Variants in ZEB1 observed in about 807,000 individuals in gnomAD.
ZEB1 encodes the protein zinc finger E-box binding homeobox 1.
In ZEB1, 21 loss-of-function variants were observed where a neutral mutation model predicts 84.9. That is an observed-to-expected ratio of 0.25 (90% confidence interval 0.18 to 0.36). The LOEUF is 0.36. Ranked by LOEUF, ZEB1 falls within the 10% of genes least tolerant of loss-of-function variation. ZEB1 has a pLI of 1.00. For missense variants in ZEB1, 1,104 were observed against 1,330.2 expected (o/e 0.83, Z 2.65); for synonymous variants, 420 against 471.1 (o/e 0.89, Z 1.41).
chr10:31,520,697 T>A lies in ZEB1; in HGVS notation c.1365T>A (p.His455Gln), dbSNP rs1443499938. The part of the protein sequence containing the change: ...INASPIQQGG[H>Q]SVISAISLPL... ...CTTCACCCATACAACAAGGTGGCCA[T>A]TCTGTTATTTCAGCCATCAGTCTTC... is the stretch of plus-strand genomic sequence containing the variant. The change falls in exon 7 of 9, where the codon CAT becomes CAA. Residue 455 changes from histidine (H) to glutamine (Q), a missense_variant. Physicochemically the swap from His to Gln is conservative, Grantham distance 24. Coordinates refer to ENST00000424869, the MANE Select transcript of ZEB1 (RefSeq NM_001174096.2). The surrounding 1 kb of genome is among the most constrained non-coding windows in gnomAD (Gnocchi z 5.1). 1 of 1,614,088 alleles carries A rather than the reference T, an allele frequency of 6.2e-7. No individual in the cohort carries two copies. The highest frequency in any genetic ancestry group is 8.5e-7 in the Non-Finnish European group (1 of 1,179,986).
intron 1 of ZEB1, among the ~76,000 whole-genome samples, chr10:31,373,952 C>G (rs1177502890): frequency 1.3e-5 from 2 of 151,518 alleles, no homozygotes; most frequent in Non-Finnish European, 3.0e-5. Context: ...TCCTGCATAT[C>G]CCTTTTTTTG....
At chr10:31,424,567 C>A (rs910266014) in intron 1 of ZEB1, among the ~76,000 whole-genome samples, 1 of 151,882 alleles carries the variant, frequency 6.6e-6, no homozygotes, top group African/African-American at 2.4e-5. Flanking sequence ...ATATTTACTA[C>A]CTTCTTTGTT....
chr10:31,409,932 A>G (rs2053914044), intron 1 of ZEB1, among the ~76,000 whole-genome samples: 1 of 152,198 alleles, frequency 6.6e-6, no homozygotes, highest in Admixed American at 6.5e-5. Context: ...GGTTTTCTAA[A>G]TATGCAATCA....
chr10:31,353,039 A>G (rs924267258), intron 1 of ZEB1, among the ~76,000 whole-genome samples: 16 of 152,222 alleles, frequency 1.1e-4, no homozygotes, highest in Non-Finnish European at 2.4e-4. Flanking sequence ...GGTATAGTCA[A>G]GCACACATGG....
chr10:31,520,677 C>T lies in ZEB1; in HGVS notation c.1345C>T (p.Pro449Ser), dbSNP rs779926193. 2 of 1,614,068 alleles carry T rather than the reference C, an allele frequency of 1.2e-6. No homozygotes were observed. The highest frequency in any genetic ancestry group is 1.7e-6 in the Non-Finnish European group (2 of 1,179,992). ...SKEQETINAS[P>S]IQQGGHSVIS... ...AGAACAAGAAACAATCAATGCTTCACCCATACAACAAGGTGGCCATTCTGT... is the reference window on the plus strand; with the variant it reads ...AGAACAAGAAACAATCAATGCTTCATCCATACAACAAGGTGGCCATTCTGT... The change falls in exon 7 of 9, where the codon CCC (proline) becomes TCC (serine). Residue 449 changes from proline (P) to serine (S), a missense_variant. Pro to Ser is a moderately conservative substitution (Grantham distance 74). Transcript: ENST00000424869. The surrounding 1 kb of genome is among the most constrained non-coding windows in gnomAD (Gnocchi z 5.1).
At chr10:31,467,730 G>T (rs1434617336) in intron 2 of ZEB1, among the ~76,000 whole-genome samples, 5 of 152,150 alleles carry the variant, frequency 3.3e-5, no homozygotes, top group Admixed American at 3.3e-4. Flanking sequence ...AGCAGGGGAG[G>T]AACCCCCACT....
chr10:31,451,801 T>C (rs1431577895), intron 1 of ZEB1, among the ~76,000 whole-genome samples: 1 of 152,116 alleles, frequency 6.6e-6, no homozygotes. Context: ...AGGATGGCTC[T>C]TGTTGGGGGC....
At chr10:31,324,509 T>C (rs1230716501) in intron 1 of ZEB1, among the ~76,000 whole-genome samples, 2 of 152,014 alleles carry the variant, frequency 1.3e-5, no homozygotes, top group Non-Finnish European at 2.9e-5. Flanking sequence ...CTACCTGTAT[T>C]GAATTGCAGC....
At chr10:31,525,791 T>C (rs1176714267) in intron 8 of ZEB1, among the ~76,000 whole-genome samples, 2 of 152,178 alleles carry the variant, frequency 1.3e-5, no homozygotes, top group South Asian at 2.1e-4. Context: ...GTCACACCTC[T>C]CAAAATCAGC....
intron 1 of ZEB1, among the ~76,000 whole-genome samples, chr10:31,444,063 C>T (rs1265895123): frequency 6.6e-6 from 1 of 150,970 alleles, no homozygotes; most frequent in African/African-American, 2.5e-5. Context: ...TCCACATCCT[C>T]TCCAGCACCT....
intron 6 of ZEB1, among the ~76,000 whole-genome samples, chr10:31,518,342 A>G (rs957782901): frequency 3.3e-5 from 5 of 152,160 alleles, no homozygotes; most frequent in Non-Finnish European, 7.4e-5. Context: ...TATTTAACCT[A>G]TATAAGAGAA....
chr10:31,440,372 ACT>A (rs554334977), intron 1 of ZEB1, among the ~76,000 whole-genome samples: 2,160 of 152,110 alleles, frequency 0.014, 51 homozygotes, highest in African/African-American at 0.049. Context: ...CATGCTAAAA[ACT>A]CTCAATAAAT....
At chr10:31,493,546 T>TTTA (rs2066835251) in intron 2 of ZEB1, among the ~76,000 whole-genome samples, 1 of 151,990 alleles carries the variant, frequency 6.6e-6, no homozygotes, top group Non-Finnish European at 1.5e-5. Context: ...ACAAGTAGAT[T>TTTA]TTATTACTTT....
chr10:31,319,462 T>C, intron 1 of ZEB1, 170 bp downstream of exon 1: 1 of 655,530 alleles, frequency 1.5e-6, no homozygotes, highest in Non-Finnish European at 2.6e-6. Flanking sequence ...CTGCCGCCGC[T>C]GCCGGAGCCG....
chr10:31,466,751 A>G (rs1332173762), intron 2 of ZEB1, among the ~76,000 whole-genome samples: 2 of 152,354 alleles, frequency 1.3e-5, no homozygotes, highest in East Asian at 3.9e-4. Flanking sequence ...GAATGAAATA[A>G]TAAAGATTAG....
At chr10:31,323,963 T>TTGTGTGTG (rs1564458960) in intron 1 of ZEB1, among the ~76,000 whole-genome samples, 1 of 111,738 alleles carries the variant, frequency 8.9e-6, no homozygotes, top group African/African-American at 3.3e-5. Context: ...TCATGGTTCT[T>TTGTGTGTG]CGTGTGTGTG....
chr10:31,348,454 C>T (rs1197714320), intron 1 of ZEB1, among the ~76,000 whole-genome samples: 2 of 152,064 alleles, frequency 1.3e-5, no homozygotes, highest in African/African-American at 4.8e-5. Context: ...ATCCCAGCTA[C>T]TCAGGAGGCT....
chr10:31,383,593 G>A (rs1175269442), intron 1 of ZEB1, among the ~76,000 whole-genome samples: 1 of 152,106 alleles, frequency 6.6e-6, no homozygotes, highest in Admixed American at 6.6e-5. Context: ...TAACACTTCA[G>A]CATTGTACTG....
chr10:31,323,964 C>CGT (rs3057772), intron 1 of ZEB1, among the ~76,000 whole-genome samples: 8,061 of 146,318 alleles, frequency 0.055, 251 homozygotes, highest in South Asian at 0.12. Context: ...CATGGTTCTT[C>CGT]GTGTGTGTGT....
Sources: allele counts gnomAD v4.1 joint callset (sites outside exome capture counted in the v4.1 genomes callset), GRCh38; gene constraint gnomAD v4.1.1; non-coding constraint Gnocchi (gnomAD v3.1); transcripts MANE v1.5; gene names NCBI Gene and HGNC (gene_info 2026-07-23, HGNC 2026-07-21).